Variants in ARHGEF3 observed in about 807,000 individuals in gnomAD.
ARHGEF3 encodes Rho guanine nucleotide exchange factor 3.
A neutral mutation model predicts 63.2 loss-of-function variants in ARHGEF3; 28 were observed. The ratio of observed to expected loss-of-function variants is 0.44; its 90% CI spans 0.33 to 0.61. ARHGEF3 has a LOEUF of 0.61. Ranked by LOEUF, ARHGEF3 falls within the 20% of genes least tolerant of loss-of-function variation. The pLI is 0.03. For synonymous variants in ARHGEF3, 266 were observed against 254.2 expected (o/e 1.05, Z -0.44); for missense variants, 533 against 659.3 (o/e 0.81, Z 2.10).
At position 56,755,109 on chromosome 3, in the gene ARHGEF3, C is replaced by T. The variant is rs369576520; in HGVS notation, c.247G>A (p.Ala83Thr). The stretch of plus-strand genomic sequence containing the variant: ...GCATTTCTGGACCAGGGTCGGGGGG[C>T]GAGGATGTCAGGGCGGCTCTCACTG... ...FRSESRPDIL[A>T]PRPWSRNAAP... Residue 83 changes from alanine (A) to threonine (T), a missense_variant, in exon 3 of 10, where the codon GCC (alanine) becomes ACC (threonine). Around this residue, in one of 4 missense-constraint regions of ARHGEF3, gnomAD observed 160 missense variants for 157.3 expected, o/e 1.02. Transcript: ENST00000296315. 6.2e-6 allele frequency: 10 copies of T among 1,613,678 alleles called. No homozygotes were observed. The African/African-American group carries it at 6.7e-5, about 11-fold the overall frequency.
Position 56,909,041 on chromosome 3 carries a change from C to T in ARHGEF3, c.130-26687G>A, listed in dbSNP as rs192205302. Among the ~76,000 whole-genome samples, 232 of 152,202 alleles carry T rather than the reference C, an allele frequency of 1.5e-3. 1 individual carries two copies. The highest frequency in any genetic ancestry group is 3.4e-3 in the Middle Eastern group (1 of 292). On this transcript the variant is annotated intron_variant, in intron 3 of 12. Transcript: ENST00000338458. The stretch of plus-strand genomic sequence containing the variant: ...ATTGGGCAGCTAATACGAGTCAGAC[C>T]CTGGACCTGACACTGGCATACAAAT...
chr3:56,868,490 G>A (rs370726076), intron 4 of ARHGEF3, among the ~76,000 whole-genome samples: 190 of 151,814 alleles, frequency 1.3e-3, no homozygotes, highest in African/African-American at 4.2e-3. Context: ...ATCCTCCCAA[G>A]TAGCTGGGAG....
chr3:56,803,467 TA>T (rs2037748911), upstream of ARHGEF3, among the ~76,000 whole-genome samples: 1 of 140,668 alleles, frequency 7.1e-6, no homozygotes, highest in African/African-American at 2.7e-5. Flanking sequence ...AAGAAAGAAA[TA>T]GAGGAAGGAA....
chr3:56,820,313 G>A (rs1265411862), intron 4 of ARHGEF3, among the ~76,000 whole-genome samples: 2 of 152,122 alleles, frequency 1.3e-5, no homozygotes, highest in African/African-American at 4.8e-5. Flanking sequence ...AATTAAGGAA[G>A]ATGCTTATCA....
intron 4 of ARHGEF3, among the ~76,000 whole-genome samples, chr3:56,854,406 T>C (rs2039797039): frequency 6.6e-6 from 1 of 152,120 alleles, no homozygotes; most frequent in African/African-American, 2.4e-5. Flanking sequence ...GAGGAGTATT[T>C]ATCCTCAGGC....
Position 56,863,207 on chromosome 3 carries a change from G to A in ARHGEF3, c.192+19085C>T, listed in dbSNP as rs147715543. Among the ~76,000 whole-genome samples the A allele has an allele frequency of 2.1e-4, 32 of 151,616 alleles. No homozygotes were observed. The East Asian group carries it at 5.2e-3, about 25-fold the overall frequency. On this transcript the variant is annotated intron_variant, in intron 4 of 12. Coordinates refer to the ARHGEF3 transcript ENST00000338458. ...GGCTGGAGTGCAGTGGCGCGATCTCGGCACACTATAACCTCCGCCTCCCAT... is the reference window on the plus strand; with the variant it reads ...GGCTGGAGTGCAGTGGCGCGATCTCAGCACACTATAACCTCCGCCTCCCAT...
At position 56,737,307 on chromosome 3, in the gene ARHGEF3, C is replaced by T; in HGVS notation, c.919G>A (p.Glu307Lys). 6.2e-7 allele frequency: 1 copy of T among 1,613,756 alleles called. No individual in the cohort carries two copies. Among genetic ancestry groups the T allele is most frequent in the Non-Finnish European group, 8.5e-7 (1 of 1,179,768 alleles). Residue 307 changes from glutamate to lysine, a missense_variant, in exon 8 of 10, where the codon GAA becomes AAA. Glu to Lys is a moderately conservative substitution (Grantham distance 56). This residue lies in a region of ARHGEF3 where 151 missense variants were observed against 190.7 expected (regional missense o/e 0.79). Transcript: ENST00000296315. ...IVAEINTKTG[E>K]SECRYYKERL... is the part of the protein sequence containing the mutation. The stretch of plus-strand genomic sequence containing the variant: ...TCTTTATAATAGCGGCATTCAGATT[C>T]ACCAGTCTTGGTGTTGATTTCTGCC...
upstream of ARHGEF3, among the ~76,000 whole-genome samples, chr3:56,805,710 T>C (rs192420106): frequency 1.2e-4 from 18 of 152,266 alleles, no homozygotes; most frequent in African/African-American, 3.6e-4. Context: ...CTACACAACA[T>C]ATATATGACA....
intron 2 of ARHGEF3, chr3:56,958,964 G>T (rs191626914): frequency 3.5e-5 from 50 of 1,435,764 alleles, no homozygotes; most frequent in Non-Finnish European, 4.3e-5. Context: ...TCAAATGCAG[G>T]TTTATCAAAA....
chr3:56,994,064 C>CAAAAAAAAAAAAAAAAAAAAAAAAAA lies in ARHGEF3; in HGVS notation c.63-35176_63-35175insTTTTTTTTTTTTTTTTTTTTTTTTTT, dbSNP rs60299557. ...GGGCGACAAGAGTGAAACTTCGTCT[C>CAAAAAAAAAAAAAAAAAAAAAAAAAA]AAAAAAAAAAAAAAAAAAAAAGCAC... On this transcript the variant is annotated intron_variant, in intron 2 of 12. Coordinates refer to the ARHGEF3 transcript ENST00000338458. Among the ~76,000 whole-genome samples, 112 of 59,734 alleles carry CAAAAAAAAAAAAAAAAAAAAAAAAAA rather than the reference C, an allele frequency of 1.9e-3. 18 individuals carry two copies. Among genetic ancestry groups the CAAAAAAAAAAAAAAAAAAAAAAAAAA allele is most frequent in the Non-Finnish European group, 2.3e-3 (68 of 29,896 alleles). 39.2% of individuals were successfully genotyped at this position (59,734 alleles called of 152,430 possible).
intron 4 of ARHGEF3, among the ~76,000 whole-genome samples, chr3:56,808,805 T>C (rs1578571140): frequency 1.3e-5 from 2 of 152,214 alleles, no homozygotes; most frequent in East Asian, 3.8e-4. Context: ...TTTGATTGAT[T>C]GTCAGTGGAC....
intron 1 of ARHGEF3, among the ~76,000 whole-genome samples, chr3:57,054,277 T>C (rs1424460123): frequency 6.6e-6 from 1 of 152,100 alleles, no homozygotes; most frequent in African/African-American, 2.4e-5. Context: ...CAAATGTTTT[T>C]GTGGTCATTT....
At chr3:56,777,203 C>T (rs2036325834) in intron 1 of ARHGEF3, among the ~76,000 whole-genome samples, 1 of 152,120 alleles carries the variant, frequency 6.6e-6, no homozygotes. Context: ...CTTTTCTGTA[C>T]CAACTTTGCT....
intron 2 of ARHGEF3, among the ~76,000 whole-genome samples, chr3:57,024,516 C>G (rs11130562): frequency 0.26 from 39,030 of 151,864 alleles, 5,461 homozygotes; most frequent in Middle Eastern, 0.33. Context: ...GAGACGGAAT[C>G]TCGCTCTGTC....
chr3:56,887,219 G>A (rs938223517), intron 3 of ARHGEF3, among the ~76,000 whole-genome samples: 2 of 152,170 alleles, frequency 1.3e-5, no homozygotes, highest in Non-Finnish European at 2.9e-5. Flanking sequence ...TATTGAGAAG[G>A]ACTGCACAGC....
intron 4 of ARHGEF3, among the ~76,000 whole-genome samples, chr3:56,876,037 G>C (rs2040575440): frequency 6.6e-6 from 1 of 152,170 alleles, no homozygotes; most frequent in Non-Finnish European, 1.5e-5. Context: ...GATATGAAGG[G>C]TAAGGGGGCA....
intron 3 of ARHGEF3, among the ~76,000 whole-genome samples, chr3:56,948,830 A>G (rs1220112057): frequency 7.6e-6 from 1 of 131,330 alleles, no homozygotes; most frequent in African/African-American, 2.7e-5. Flanking sequence ...CAACAAAAAA[A>G]GAGAATTTAG....
At chr3:56,880,816 T>C (rs2040740791) in intron 4 of ARHGEF3, among the ~76,000 whole-genome samples, 1 of 152,206 alleles carries the variant, frequency 6.6e-6, no homozygotes, top group Non-Finnish European at 1.5e-5. Flanking sequence ...AAATATTCAA[T>C]GAGTAAAGTA....
At chr3:56,886,729 G>A (rs2040937808) in intron 3 of ARHGEF3, among the ~76,000 whole-genome samples, 1 of 152,152 alleles carries the variant, frequency 6.6e-6, no homozygotes, top group Admixed American at 6.5e-5. Context: ...TTATATGCAT[G>A]ATCTCATTTG....
Sources: gnomAD v4.1 joint callset for allele counts (sites outside exome capture counted in the v4.1 genomes callset) on GRCh38, gnomAD v4.1.1 for gene constraint, gnomAD v4.1.1 regional missense constraint, MANE v1.5 for transcripts, NCBI Gene and HGNC (gene_info 2026-07-23, HGNC 2026-07-21) for gene names.